The following C10orf67 variants were observed in gnomAD, a reference collection of about 807,000 sequenced individuals.
C10orf67 encodes the protein uncharacterized protein C10orf67, mitochondrial.
A neutral mutation model predicts 35.6 loss-of-function variants in C10orf67; 60 were observed. The observed-to-expected ratio is 1.68, with a 90% CI of 1.37 to 2.09. The LOEUF is 2.09. C10orf67 is among the 30% of genes most tolerant of loss of function. The probability of loss-of-function intolerance (pLI) is 0.00; values close to 1 mark genes in which losing one functional copy is unlikely to be tolerated. For synonymous variants in C10orf67, 167 were observed against 115.8 expected (o/e 1.44, Z -2.84); for missense variants, 474 against 330.2 (o/e 1.44, Z -3.38).
intron 4 of C10orf67, among the ~76,000 whole-genome samples, chr10:23,311,319 T>C (rs113033160): frequency 1.3e-3 from 191 of 152,294 alleles, no homozygotes; most frequent in African/African-American, 4.5e-3. Context: ...CTGACAACTG[T>C]CAAGTTGACA....
intron 13 of C10orf67, among the ~76,000 whole-genome samples, chr10:23,231,904 G>A (rs1380880336): frequency 6.6e-6 from 1 of 152,136 alleles, no homozygotes; most frequent in African/African-American, 2.4e-5. Context: ...AGAACAATGT[G>A]TGCATTTTTC....
intron 1 of C10orf67, among the ~76,000 whole-genome samples, chr10:23,340,813 G>T (rs1175073947): frequency 3.9e-5 from 6 of 152,152 alleles, no homozygotes; most frequent in African/African-American, 1.4e-4. Flanking sequence ...TGGTGGTTAT[G>T]CATAAAACAG....
chr10:23,284,633 C>T (rs955127891), intron 7 of C10orf67, among the ~76,000 whole-genome samples: 5 of 152,084 alleles, frequency 3.3e-5, no homozygotes, highest in Admixed American at 1.3e-4. Flanking sequence ...CTGCAGTGAG[C>T]CATGATCATG....
intron 10 of C10orf67, among the ~76,000 whole-genome samples, chr10:23,254,690 A>C (rs1306175642): frequency 6.6e-6 from 1 of 152,230 alleles, no homozygotes; most frequent in East Asian, 1.9e-4. Context: ...TAACAAATAT[A>C]CTATTCTAAA....
chr10:23,236,263 A>G (rs1460974967), intron 13 of C10orf67, among the ~76,000 whole-genome samples: 33 of 78,210 alleles, frequency 4.2e-4, no homozygotes, highest in East Asian at 1.8e-3. Context: ...GAAAAAAAAA[A>G]AAAAAAAAAA....
At chr10:23,239,653 C>T in intron 13 of C10orf67, 76 bp downstream of exon 13, 4 of 589,110 alleles carry the variant, frequency 6.8e-6, no homozygotes. Context: ...GCTTGATAAA[C>T]CTTAAACGAG....
At chr10:23,252,601 A>C (rs951157548) in intron 10 of C10orf67, among the ~76,000 whole-genome samples, 5 of 152,210 alleles carry the variant, frequency 3.3e-5, no homozygotes, top group Non-Finnish European at 7.3e-5. Flanking sequence ...AAAGAGGTGA[A>C]ATTTAGGTGA....
intron 5 of C10orf67, among the ~76,000 whole-genome samples, chr10:23,296,188 T>C (rs1252556403): frequency 6.6e-6 from 1 of 152,180 alleles, no homozygotes; most frequent in Admixed American, 6.5e-5. Flanking sequence ...TACTTTTTTT[T>C]TTTTGCAGTT....
At chr10:23,298,981 G>A (rs1843982353) in intron 5 of C10orf67, among the ~76,000 whole-genome samples, 1 of 152,206 alleles carries the variant, frequency 6.6e-6, no homozygotes, top group Admixed American at 6.5e-5. Context: ...CAGGTGAGTT[G>A]AGACATTGGG....
chr10:23,344,438 C>T (rs1047907388), intron 1 of C10orf67, 131 bp downstream of exon 1: 1 of 909,450 alleles, frequency 1.1e-6, no homozygotes, highest in Admixed American at 2.3e-5. Context: ...CCCCACAAGA[C>T]TCCCACAGCC....
chr10:23,322,651 A>T, intron 2 of C10orf67, 114 bp from the exon 3 acceptor site: 1 of 656,442 alleles, frequency 1.5e-6, no homozygotes, highest in Non-Finnish European at 2.6e-6. Flanking sequence ...GTGCACAAAG[A>T]GGGGAGCAAC....
intron 7 of C10orf67, among the ~76,000 whole-genome samples, chr10:23,288,181 G>A (rs1564491449): frequency 6.6e-6 from 1 of 152,180 alleles, no homozygotes; most frequent in Non-Finnish European, 1.5e-5. Context: ...TATGTTTACT[G>A]CAGCATTATT....
In C10orf67 at chr10:23,260,774, G is replaced by A. The variant is rs377344862; in HGVS notation, c.1200+5488C>T. Among the ~76,000 whole-genome samples, 30 of 152,254 alleles carry A rather than the reference G, an allele frequency of 2.0e-4. No individual in the cohort carries two copies. In the South Asian group the frequency reaches 4.8e-3, roughly 24 times the overall value. ...CTTATTGACCTCTTATCAATCAGCT[G>A]TTTGGATGCTTCAGTCTGAAATCTT... On this transcript the variant is annotated intron_variant, in intron 10 of 15. Transcript: ENST00000636213.
At chr10:23,205,529 C>A (rs1841134934) in intron 15 of C10orf67, among the ~76,000 whole-genome samples, 1 of 152,156 alleles carries the variant, frequency 6.6e-6, no homozygotes, top group Admixed American at 6.5e-5. Context: ...AAGTACTCAT[C>A]TTACAAAGAA....
At chr10:23,204,983 GGTCACCGGTAGGT>G (rs1453738670) in intron 15 of C10orf67, among the ~76,000 whole-genome samples, 1 of 152,178 alleles carries the variant, frequency 6.6e-6, no homozygotes, top group Non-Finnish European at 1.5e-5. Context: ...TGCAGCCTGC[GGTCACCGGTAGGT>G]GTCAATGTGG....
chr10:23,204,271 G>A lies in C10orf67; in HGVS notation c.1571-16C>T. 1 of 620,022 alleles carries A rather than the reference G, an allele frequency of 1.6e-6. No individual in the cohort carries two copies. The highest frequency in any genetic ancestry group is 3.0e-6 in the Non-Finnish European group (1 of 336,098). 38.4% of individuals were successfully genotyped at this position (620,022 alleles called of 1,614,324 possible). ...GACAACTTCCCTAAACGTGAAGAAA[G>A]GTGGACAGACATAAACTTTGTTTTA... On this transcript the variant is annotated splice_polypyrimidine_tract_variant and intron_variant, in intron 15 of 15. Transcript: ENST00000636213.
rs937996841 is a variant in C10orf67, at chr10:23,344,561, C to G, written c.206+8G>C. 5 of 1,568,272 alleles carry G rather than the reference C, an allele frequency of 3.2e-6. No homozygotes were observed. The highest frequency in any genetic ancestry group is 1.2e-5 in the South Asian group (1 of 85,312). On this transcript the variant is annotated splice_region_variant and intron_variant, in intron 1 of 15. Transcript: ENST00000636213. ...TCCTCCTCTACCCAGGCGCGGAGCT[C>G]AGCCTACCTCGTGGACCCGCGCATT...
intron 5 of C10orf67, among the ~76,000 whole-genome samples, chr10:23,292,747 G>GTA (rs1564493845): frequency 6.8e-6 from 1 of 147,164 alleles, no homozygotes; most frequent in Non-Finnish European, 1.5e-5. Context: ...GTGTGTGTAA[G>GTA]AGTTAGTAAT....
intron 4 of C10orf67, among the ~76,000 whole-genome samples, chr10:23,311,541 G>A (rs371740898): frequency 5.3e-5 from 8 of 152,124 alleles, no homozygotes; most frequent in South Asian, 2.1e-4. Flanking sequence ...GAGAAACCCC[G>A]TCTCTACTAA....
Sources: gnomAD v4.1 joint callset for allele counts (sites outside exome capture counted in the v4.1 genomes callset) on GRCh38, gnomAD v4.1.1 for gene constraint, MANE v1.5 for transcripts, NCBI Gene and HGNC (gene_info 2026-07-23, HGNC 2026-07-21) for gene names.